Variants in RABGAP1L observed in about 807,000 individuals in gnomAD.
The protein encoded by RABGAP1L is RAB GTPase activating protein 1 like, also known as rab GTPase-activating protein 1-like.
A neutral mutation model predicts 137.7 loss-of-function variants in RABGAP1L; 63 were observed. That is an observed-to-expected ratio of 0.46 (90% CI 0.37 to 0.56). The LOEUF is 0.56. Ranked by LOEUF, RABGAP1L falls within the 20% of genes least tolerant of loss-of-function variation. The pLI is 0.00. For missense variants in RABGAP1L, 1,095 were observed against 1,244.0 expected (o/e 0.88, Z 1.80); for synonymous variants, 431 against 433.7 (o/e 0.99, Z 0.08).
intron 19 of RABGAP1L, among the ~76,000 whole-genome samples, chr1:174,943,491 A>G (rs1210245205): frequency 6.6e-6 from 1 of 152,160 alleles, no homozygotes; most frequent in Non-Finnish European, 1.5e-5. Flanking sequence ...CAGAGCACTT[A>G]ACTTACTTTG....
At chr1:174,279,691 T>C (rs1675326140) in intron 10 of RABGAP1L, among the ~76,000 whole-genome samples, 5 of 152,302 alleles carry the variant, frequency 3.3e-5, no homozygotes, top group Non-Finnish European at 1.5e-5. Context: ...TGACTCAGTT[T>C]TTATTACTGT....
chr1:174,651,770 A>G lies in RABGAP1L; in HGVS notation c.1824+14282A>G, dbSNP rs536591933. On this transcript the variant is annotated intron_variant, in intron 14 of 25. Transcript: ENST00000681986. ...CGTTTCTTGAATACAGCACACTGAT[A>G]GGTCTTGACTCTTTATCCAATTTGC... Among the ~76,000 whole-genome samples, 5 of 152,264 alleles carry G rather than the reference A, an allele frequency of 3.3e-5. No homozygotes were observed. In the East Asian group the frequency reaches 5.8e-4, roughly 18 times the overall value.
intron 14 of RABGAP1L, among the ~76,000 whole-genome samples, chr1:174,647,448 G>C (rs1040124306): frequency 6.6e-6 from 1 of 152,038 alleles, no homozygotes; most frequent in African/African-American, 2.4e-5. Flanking sequence ...AGCCCTTTCC[G>C]CATCTATTGA....
intron 20 of RABGAP1L, among the ~76,000 whole-genome samples, chr1:174,968,988 T>C (rs1427236011): frequency 6.6e-6 from 1 of 152,070 alleles, no homozygotes; most frequent in Non-Finnish European, 1.5e-5. Context: ...CCTCACAGGA[T>C]TGGGGGGGAT....
chr1:174,480,468 T>A (rs1658967821), intron 13 of RABGAP1L, among the ~76,000 whole-genome samples: 1 of 152,230 alleles, frequency 6.6e-6, no homozygotes, highest in Non-Finnish European at 1.5e-5. Flanking sequence ...TAAAGCAAAC[T>A]GCAGTGCAAT....
At chr1:174,596,930 A>T (rs1200766496) in intron 13 of RABGAP1L, among the ~76,000 whole-genome samples, 1 of 151,946 alleles carries the variant, frequency 6.6e-6, no homozygotes, top group African/African-American at 2.4e-5. Context: ...TCATGAAGAG[A>T]TGGTGAATTT....
chr1:174,406,832 C>T (rs902749429), intron 13 of RABGAP1L, among the ~76,000 whole-genome samples: 7 of 152,104 alleles, frequency 4.6e-5, no homozygotes, highest in Non-Finnish European at 8.8e-5. Context: ...ATCACTTGAG[C>T]CTAGGAGGCT....
At chr1:174,920,232 G>T (rs1420024373) in intron 19 of RABGAP1L, among the ~76,000 whole-genome samples, 1 of 152,200 alleles carries the variant, frequency 6.6e-6, no homozygotes, top group Non-Finnish European at 1.5e-5. Context: ...GAGGTTTAAT[G>T]GAGAAGTCAC....
At chr1:174,961,521 A>G (rs974432914) in intron 20 of RABGAP1L, among the ~76,000 whole-genome samples, 6 of 152,236 alleles carry the variant, frequency 3.9e-5, no homozygotes, top group African/African-American at 7.2e-5. Context: ...TTAAATAACT[A>G]TTTGCACAAA....
chr1:174,583,192 G>A (rs1246710493), intron 13 of RABGAP1L, among the ~76,000 whole-genome samples: 2 of 152,102 alleles, frequency 1.3e-5, no homozygotes, highest in East Asian at 1.9e-4. Context: ...TCATTTGAAG[G>A]TAGTTGGACT....
At chr1:174,239,494 C>G (rs1182606615) in intron 4 of RABGAP1L, among the ~76,000 whole-genome samples, 2 of 152,088 alleles carry the variant, frequency 1.3e-5, no homozygotes, top group Non-Finnish European at 2.9e-5. Context: ...TTTGTTTCAT[C>G]TTAGTAAACA....
chr1:174,990,191 A>T lies in RABGAP1L; in HGVS notation c.*190A>T. ...ATTTAAACTGACCTGTTCTATGTTG[A>T]ATACCTATTTTCCAGCTTCTGGAAG... On this transcript the variant is annotated 3_prime_UTR_variant, in exon 26 of 26. Transcript: ENST00000681986. 1.6e-6 allele frequency: 1 copy of T among 622,866 alleles called. No individual in the cohort carries two copies. The highest frequency in any genetic ancestry group is 2.5e-6 in the Non-Finnish European group (1 of 398,140). The allele number at this position is 622,866 out of a possible 1,614,324, so 38.6% of individuals were successfully genotyped here.
intron 19 of RABGAP1L, among the ~76,000 whole-genome samples, chr1:174,937,857 C>T (rs1455227623): frequency 1.4e-5 from 2 of 147,770 alleles, no homozygotes; most frequent in Non-Finnish European, 3.0e-5. Context: ...CCACCAAGCC[C>T]AGCTAATTTT....
At chr1:174,874,582 T>A in intron 19 of RABGAP1L, 2 of 400,106 alleles carry the variant, frequency 5.0e-6, no homozygotes, top group Non-Finnish European at 6.6e-6. Context: ...CACTGCCTTT[T>A]TTTTTTTTTT....
intron 13 of RABGAP1L, among the ~76,000 whole-genome samples, chr1:174,555,375 G>T (rs1056867457): frequency 3.3e-5 from 5 of 152,052 alleles, no homozygotes; most frequent in African/African-American, 1.2e-4. Context: ...TAGCTTTATG[G>T]CAAAAGCCCT....
chr1:174,207,209 G>T (rs1370949891), intron 1 of RABGAP1L, among the ~76,000 whole-genome samples: 1 of 152,152 alleles, frequency 6.6e-6, no homozygotes, highest in African/African-American at 2.4e-5. Context: ...GATTGCAACA[G>T]AGCAGTCTTA....
intron 7 of RABGAP1L, among the ~76,000 whole-genome samples, chr1:174,260,405 G>C (rs1157792439): frequency 6.6e-6 from 1 of 152,204 alleles, no homozygotes; most frequent in Non-Finnish European, 1.5e-5. Context: ...TGATTGCTCA[G>C]AAATTTCAAA....
chr1:174,227,925 A>G (rs1021315860), intron 3 of RABGAP1L, among the ~76,000 whole-genome samples: 1 of 150,298 alleles, frequency 6.7e-6, no homozygotes, highest in Non-Finnish European at 1.5e-5. Context: ...TTTTTCTCAT[A>G]TTTAACTTCT....
At chr1:174,931,200 T>G (rs1347555828) in intron 19 of RABGAP1L, among the ~76,000 whole-genome samples, 1 of 152,232 alleles carries the variant, frequency 6.6e-6, no homozygotes, top group African/African-American at 2.4e-5. Context: ...TTTTCTTATA[T>G]GATGAATATT....
Sources: gnomAD v4.1 joint callset for allele counts (sites outside exome capture counted in the v4.1 genomes callset) on GRCh38, gnomAD v4.1.1 for gene constraint, MANE v1.5 for transcripts, NCBI Gene and HGNC (gene_info 2026-07-23, HGNC 2026-07-21) for gene names.